Variants in CNGA1 observed in about 807,000 individuals in gnomAD.
The protein encoded by CNGA1 is cyclic nucleotide gated channel subunit alpha 1, also known as cyclic nucleotide-gated channel alpha-1.
In CNGA1, 53 loss-of-function variants were observed where a neutral mutation model predicts 69.7. The observed-to-expected ratio is 0.76, with a 90% CI of 0.61 to 0.96. CNGA1 has a LOEUF of 0.96. CNGA1 is among the 40% of genes least tolerant of loss of function. The pLI is 0.00. For synonymous variants in CNGA1, 249 were observed against 283.5 expected, an observed-to-expected ratio of 0.88 and a Z score of 1.22; for missense variants, 739 against 811.2, an observed-to-expected ratio of 0.91 and a Z score of 1.08.
At chr4:47,987,079 C>T (rs777137253) in intron 2 of CNGA1, among the ~76,000 whole-genome samples, 5 of 150,404 alleles carry the variant, frequency 3.3e-5, no homozygotes, top group Admixed American at 6.6e-5. Context: ...ATTTCTTTTC[C>T]GGGTACCTGC....
At chr4:47,938,688 G>A (rs1738849904) in intron 10 of CNGA1, among the ~76,000 whole-genome samples, 1 of 152,098 alleles carries the variant, frequency 6.6e-6, no homozygotes, top group East Asian at 1.9e-4. Context: ...ACTGAGCGCG[G>A]CCCTAAGTCC....
At chr4:47,979,517 G>T (rs909752083) in intron 3 of CNGA1, among the ~76,000 whole-genome samples, 5 of 152,068 alleles carry the variant, frequency 3.3e-5, no homozygotes, top group African/African-American at 9.7e-5. Context: ...GCATCCTATG[G>T]ATTTACTCCT....
intron 3 of CNGA1, among the ~76,000 whole-genome samples, chr4:47,970,017 C>T (rs1740933102): frequency 6.6e-6 from 1 of 152,128 alleles, no homozygotes; most frequent in Non-Finnish European, 1.5e-5. Context: ...GGTTCTCAGT[C>T]AGGGTCCCAA....
At chr4:47,997,795 T>C (rs112658064) in intron 2 of CNGA1, among the ~76,000 whole-genome samples, 1 of 152,206 alleles carries the variant, frequency 6.6e-6, no homozygotes, top group Non-Finnish European at 1.5e-5. Flanking sequence ...AAATAAATCA[T>C]GAATTTTAAA....
chr4:47,974,115 GATAGATA>G (rs1741214585), intron 3 of CNGA1, among the ~76,000 whole-genome samples: 1 of 145,998 alleles, frequency 6.8e-6, no homozygotes, highest in African/African-American at 2.5e-5. Flanking sequence ...TAGATAGATA[GATAGATA>G]GATGATAGAT....
intron 3 of CNGA1, among the ~76,000 whole-genome samples, chr4:47,964,951 T>C (rs756590634): frequency 3.9e-5 from 6 of 152,184 alleles, no homozygotes; most frequent in Non-Finnish European, 8.8e-5. Context: ...CTGACCACAT[T>C]ACTGGCCTTT....
chr4:48,012,256 A>G (rs1034905995), intron 1 of CNGA1, among the ~76,000 whole-genome samples: 1 of 152,216 alleles, frequency 6.6e-6, no homozygotes, highest in Non-Finnish European at 1.5e-5. Flanking sequence ...AGATAAAAAA[A>G]TCAGTTTAGT....
intron 3 of CNGA1, among the ~76,000 whole-genome samples, chr4:47,969,321 G>A (rs1037008856): frequency 9.2e-5 from 14 of 151,430 alleles, no homozygotes; most frequent in African/African-American, 2.4e-4. Flanking sequence ...AGCCATGCCC[G>A]AATCACTAGC....
intron 2 of CNGA1, among the ~76,000 whole-genome samples, chr4:47,983,434 C>T (rs1741833959): frequency 6.6e-6 from 1 of 151,760 alleles, no homozygotes; most frequent in African/African-American, 2.4e-5. Context: ...ACTAAAAATA[C>T]AAAAACTAGC....
chr4:47,936,149 A>G lies in CNGA1; in HGVS notation c.*272T>C. Reference sequence around the variant, plus strand: ...GAAGAATATTACATAAAATGAGCGTATGTGAAAAAATCAGAAAATACAGAC... The same window carrying G: ...GAAGAATATTACATAAAATGAGCGTGTGTGAAAAAATCAGAAAATACAGAC... On this transcript the variant is annotated 3_prime_UTR_variant, in exon 11 of 11. Coordinates refer to ENST00000514170, the MANE Select transcript of CNGA1 (RefSeq NM_001379270.1). 1 of 502,420 alleles carries G rather than the reference A, an allele frequency of 2.0e-6. No individual in the cohort carries two copies. The highest frequency in any genetic ancestry group is 2.5e-5 in the South Asian group (1 of 39,822). 31.1% of individuals were successfully genotyped at this position (502,420 alleles called of 1,614,324 possible).
intron 3 of CNGA1, among the ~76,000 whole-genome samples, chr4:47,955,337 C>A (rs1299445809): frequency 6.6e-6 from 1 of 151,892 alleles, no homozygotes. Flanking sequence ...CGCCCACCAC[C>A]ACGCCTGGCT....
intron 3 of CNGA1, among the ~76,000 whole-genome samples, chr4:47,979,235 C>T (rs897868436): frequency 5.8e-4 from 87 of 149,676 alleles, no homozygotes; most frequent in African/African-American, 2.0e-3. Flanking sequence ...GCGGGAGGAT[C>T]GCTTGAGCCC....
intron 2 of CNGA1, among the ~76,000 whole-genome samples, chr4:47,982,959 C>G (rs539867780): frequency 6.6e-6 from 1 of 152,168 alleles, no homozygotes; most frequent in Non-Finnish European, 1.5e-5. Context: ...TGTGTGCTAC[C>G]AAGCCCAGAA....
intron 2 of CNGA1, among the ~76,000 whole-genome samples, chr4:47,983,303 C>T (rs890952285): frequency 1.6e-4 from 25 of 152,230 alleles, no homozygotes; most frequent in African/African-American, 6.0e-4. Flanking sequence ...AGAAAATAAG[C>T]CCCTTGGCGG....
intron 3 of CNGA1, among the ~76,000 whole-genome samples, chr4:47,973,066 C>CTTT (rs3058684): frequency 0.014 from 1,688 of 120,210 alleles, 94 homozygotes; most frequent in African/African-American, 0.037. Flanking sequence ...AAAGCACCAT[C>CTTT]TTTTTTTTTT....
rs999576624 is a variant in CNGA1, at chr4:47,937,665, G to T, written c.817C>A (p.Arg273=). ...YPEIRLNRLL[R]FSRMFEFFQR... Reference sequence around the variant, plus strand: ...AAGAACTCAAACATACGAGAGAACCGTAACAACCTGTTTAATCTAATTTCT... The same window carrying T: ...AAGAACTCAAACATACGAGAGAACCTTAACAACCTGTTTAATCTAATTTCT... The change falls in exon 11 of 11, where the codon CGG becomes AGG. Residue 273 remains arginine, a synonymous_variant. Coordinates refer to ENST00000514170, the MANE Select transcript of CNGA1 (RefSeq NM_001379270.1). 3 of 1,613,966 alleles carry T rather than the reference G, an allele frequency of 1.9e-6. No individual in the cohort carries two copies. Among genetic ancestry groups the T allele is most frequent in the Non-Finnish European group, 2.5e-6 (3 of 1,180,016 alleles).
intron 2 of CNGA1, among the ~76,000 whole-genome samples, chr4:48,006,487 C>A (rs538312666): frequency 6.6e-6 from 1 of 152,132 alleles, no homozygotes; most frequent in Non-Finnish European, 1.5e-5. Flanking sequence ...ACAAATACAG[C>A]CCAAAGAAAA....
intron 3 of CNGA1, among the ~76,000 whole-genome samples, chr4:47,969,432 G>A (rs920724634): frequency 1.3e-5 from 2 of 152,024 alleles, no homozygotes; most frequent in South Asian, 2.1e-4. Context: ...GAAAATTTTA[G>A]GAAACCAAAC....
chr4:47,961,989 T>G (rs1412721624), intron 3 of CNGA1, among the ~76,000 whole-genome samples: 1 of 152,168 alleles, frequency 6.6e-6, no homozygotes, highest in African/African-American at 2.4e-5. Context: ...ACATGTGAAT[T>G]GAAATGTGCT....
Sources: gnomAD v4.1 joint callset for allele counts (sites outside exome capture counted in the v4.1 genomes callset) on GRCh38, gnomAD v4.1.1 for gene constraint, MANE v1.5 for transcripts, NCBI Gene and HGNC (gene_info 2026-07-23, HGNC 2026-07-21) for gene names.